FHIP1A: variants seen among roughly 807,000 people sequenced by gnomAD.
The protein encoded by FHIP1A is FHF complex subunit HOOK-interacting protein 1A.
FHIP1A carries 61 observed loss-of-function variants against 88.6 expected under a neutral mutation model. The ratio of observed to expected loss-of-function variants is 0.69; its 90% confidence interval spans 0.56 to 0.85. FHIP1A has a LOEUF of 0.85. FHIP1A is among the 40% of genes least tolerant of loss of function. FHIP1A has a pLI of 0.00. For missense variants in FHIP1A, 1,154 were observed against 1,273.5 expected (o/e 0.91, Z 1.43); for synonymous variants, 478 against 496.0 (o/e 0.96, Z 0.48).
rs545582266 is a variant in FHIP1A, at chr4:151,442,827, T to A, written c.-355-11874T>A. The stretch of plus-strand genomic sequence containing the variant: ...TCTATCCTTGTGTCTTTTTGTTATA[T>A]ACTTTGAGAGATTTCCTTACTGTTA... On this transcript the variant is annotated intron_variant, in intron 1 of 13. Transcript: ENST00000435205. Among the ~76,000 whole-genome samples, 158 of 152,226 alleles carry A rather than the reference T, an allele frequency of 1.0e-3. 1 individual carries two copies. The highest frequency in any genetic ancestry group is 1.4e-3 in the Non-Finnish European group (98 of 68,032).
chr4:151,555,347 G>A (rs1374636304), intron 3 of FHIP1A, among the ~76,000 whole-genome samples: 1 of 152,054 alleles, frequency 6.6e-6, no homozygotes, highest in African/African-American at 2.4e-5. Flanking sequence ...CAGAATTGTG[G>A]CCTTTAATGG....
chr4:151,575,625 G>A (rs568305543), intron 4 of FHIP1A, among the ~76,000 whole-genome samples: 1 of 152,216 alleles, frequency 6.6e-6, no homozygotes, highest in East Asian at 1.9e-4. Flanking sequence ...TCAACTTAAG[G>A]GTGTTAGGGT....
At chr4:151,518,068 T>A (rs1731312606) in intron 3 of FHIP1A, among the ~76,000 whole-genome samples, 1 of 152,252 alleles carries the variant, frequency 6.6e-6, no homozygotes, top group South Asian at 2.1e-4. Flanking sequence ...TACAGTCATG[T>A]CCTAGGCCTT....
At chr4:151,471,973 A>G (rs1452025452) in intron 2 of FHIP1A, among the ~76,000 whole-genome samples, 1 of 152,162 alleles carries the variant, frequency 6.6e-6, no homozygotes, top group Non-Finnish European at 1.5e-5. Context: ...GCTGTGTAGT[A>G]TTCCATGGCA....
In FHIP1A at chr4:151,570,704, A is replaced by T. The variant is rs560695006; in HGVS notation, c.105+4340A>T. On this transcript the variant is annotated intron_variant, in intron 4 of 13. Coordinates refer to ENST00000435205, the MANE Select transcript of FHIP1A (RefSeq NM_001109977.3). ...AGATCAGAGGCCATTTGTAACTTAC[A>T]TCCCCATTGCCCGGAACAGAGTGTG... Among the ~76,000 whole-genome samples the T allele has an allele frequency of 1.8e-4, 27 of 152,326 alleles. No individual in the cohort carries two copies. In the South Asian group the frequency reaches 5.6e-3, roughly 32 times the overall value.
At chr4:151,413,743 C>T (rs1732773125) in intron 1 of FHIP1A, among the ~76,000 whole-genome samples, 1 of 152,064 alleles carries the variant, frequency 6.6e-6, no homozygotes, top group South Asian at 2.1e-4. Flanking sequence ...ACATGAGCCA[C>T]CGCGCCTGGC....
intron 3 of FHIP1A, among the ~76,000 whole-genome samples, chr4:151,532,401 G>T (rs1580676408): frequency 6.6e-6 from 1 of 152,316 alleles, no homozygotes; most frequent in African/African-American, 2.4e-5. Flanking sequence ...ACTCTGTTGT[G>T]CAGTTTTCAT....
intron 7 of FHIP1A, 101 bp from the exon 8 acceptor site, chr4:151,629,601 C>T (rs1297928081): frequency 1.8e-5 from 18 of 1,025,808 alleles, no homozygotes; most frequent in Non-Finnish European, 2.0e-5. Context: ...CATGTTCTTG[C>T]CTTGATGATG....
At chr4:151,635,557 AG>A (rs1736320949) in intron 8 of FHIP1A, among the ~76,000 whole-genome samples, 1 of 151,922 alleles carries the variant, frequency 6.6e-6, no homozygotes, top group Admixed American at 6.6e-5. Context: ...CTTAAAAAAA[AG>A]AAGGAAATCT....
chr4:151,581,478 G>A (rs1734023813), intron 5 of FHIP1A, among the ~76,000 whole-genome samples: 1 of 152,018 alleles, frequency 6.6e-6, no homozygotes, highest in African/African-American at 2.4e-5. Flanking sequence ...CCATTTAACT[G>A]CATCATAAGC....
intron 3 of FHIP1A, among the ~76,000 whole-genome samples, chr4:151,527,023 A>C (rs1214653181): frequency 7.9e-6 from 1 of 126,010 alleles, no homozygotes; most frequent in Non-Finnish European, 1.6e-5. Context: ...GGGCAGAGAC[A>C]CTCCTCACTT....
chr4:151,594,812 A>T (rs1233116931), intron 7 of FHIP1A, among the ~76,000 whole-genome samples: 1 of 151,934 alleles, frequency 6.6e-6, no homozygotes, highest in African/African-American at 2.4e-5. Flanking sequence ...TGACCTCATG[A>T]TCCTCCCACC....
At chr4:151,462,757 C>T (rs1023689626) in intron 2 of FHIP1A, among the ~76,000 whole-genome samples, 1 of 152,102 alleles carries the variant, frequency 6.6e-6, no homozygotes, top group Non-Finnish European at 1.5e-5. Flanking sequence ...ATTTAATTTC[C>T]TCTCAGAGTG....
chr4:151,622,429 T>C (rs1378072060), intron 7 of FHIP1A, among the ~76,000 whole-genome samples: 1 of 152,150 alleles, frequency 6.6e-6, no homozygotes, highest in Non-Finnish European at 1.5e-5. Context: ...AAGAAGGGTG[T>C]CGTGGGTGTC....
chr4:151,662,184 T>A (rs1171740134), intron 13 of FHIP1A, among the ~76,000 whole-genome samples: 1 of 152,238 alleles, frequency 6.6e-6, no homozygotes, highest in African/African-American at 2.4e-5. Flanking sequence ...TTTGTCAGTT[T>A]CTCCCATTTC....
intron 1 of FHIP1A, among the ~76,000 whole-genome samples, chr4:151,437,271 G>A (rs192402967): frequency 4.6e-5 from 7 of 152,074 alleles, no homozygotes; most frequent in Admixed American, 3.3e-4. Context: ...TGCCAGTGAA[G>A]CTTTTGAAAT....
At chr4:151,500,386 A>T (rs1730606531) in intron 3 of FHIP1A, among the ~76,000 whole-genome samples, 1 of 151,360 alleles carries the variant, frequency 6.6e-6, no homozygotes, top group Admixed American at 6.6e-5. Context: ...AATTTCATAG[A>T]TAAAGAGAAT....
At chr4:151,546,458 C>T (rs1017762167) in intron 3 of FHIP1A, among the ~76,000 whole-genome samples, 2 of 152,186 alleles carry the variant, frequency 1.3e-5, no homozygotes, top group Non-Finnish European at 2.9e-5. Flanking sequence ...AATACTCTCT[C>T]GTCTATCTAT....
intron 7 of FHIP1A, among the ~76,000 whole-genome samples, chr4:151,603,236 C>T (rs373984146): frequency 6.6e-6 from 1 of 151,900 alleles, no homozygotes; most frequent in Admixed American, 6.6e-5. Context: ...TTGTTTGAAC[C>T]TGGGAGGTGG....
Sources: gnomAD v4.1 joint callset for allele counts (sites outside exome capture counted in the v4.1 genomes callset) on GRCh38, gnomAD v4.1.1 for gene constraint, MANE v1.5 for transcripts, NCBI Gene and HGNC (gene_info 2026-07-23, HGNC 2026-07-21) for gene names.